Variants in DNM3 observed in about 807,000 individuals in gnomAD.
The protein encoded by DNM3 is dynamin-3.
A neutral mutation model predicts 101.6 loss-of-function variants in DNM3; 47 were observed. The ratio of observed to expected loss-of-function variants is 0.46; its 90% CI spans 0.37 to 0.59. DNM3 has a LOEUF of 0.59. Ranked by LOEUF, DNM3 falls within the 20% of genes least tolerant of loss-of-function variation. The pLI is 0.00. For synonymous variants in DNM3, 385 were observed against 387.9 expected, an observed-to-expected ratio of 0.99 and a Z score of 0.09; for missense variants, 849 against 1,085.7, an observed-to-expected ratio of 0.78 and a Z score of 3.06.
At chr1:172,417,948 G>C (rs939455027) in intron 20 of DNM3, among the ~76,000 whole-genome samples, 1 of 152,128 alleles carries the variant, frequency 6.6e-6, no homozygotes, top group Non-Finnish European at 1.5e-5. Flanking sequence ...TATTTGGCTC[G>C]GGGACTAGTC....
Position 172,181,400 on chromosome 1 carries a change from A to G in DNM3, c.1659+50112A>G, listed in dbSNP as rs1001008642. Among the ~76,000 whole-genome samples, 41 of 151,440 alleles carry G rather than the reference A, an allele frequency of 2.7e-4. No homozygotes were observed. In the South Asian group the frequency reaches 8.2e-3, roughly 30 times the overall value. On this transcript the variant is annotated intron_variant, in intron 14 of 20. Transcript: ENST00000627582. ...TACACACACACACACACACACACAC[A>G]CACACACACACACATATTTCTGGTA... is the stretch of plus-strand genomic sequence containing the variant.
intron 15 of DNM3, among the ~76,000 whole-genome samples, chr1:172,258,675 T>C (rs1353216193): frequency 6.6e-6 from 1 of 152,088 alleles, no homozygotes; most frequent in African/African-American, 2.4e-5. Flanking sequence ...TTATTGATTT[T>C]ATTTATCTTT....
intron 1 of DNM3, among the ~76,000 whole-genome samples, chr1:171,843,171 A>AT (rs890797048): frequency 1.8e-4 from 28 of 152,104 alleles, no homozygotes; most frequent in Admixed American, 7.2e-4. Flanking sequence ...CTCAGATGAT[A>AT]TTTTTTTTCC....
intron 15 of DNM3, among the ~76,000 whole-genome samples, chr1:172,287,019 G>A (rs2063727211): frequency 6.6e-6 from 1 of 152,138 alleles, no homozygotes; most frequent in African/African-American, 2.4e-5. Context: ...TGTCCTGCAG[G>A]CACGTCTTGC....
chr1:172,296,672 G>C (rs551265276), intron 15 of DNM3, among the ~76,000 whole-genome samples: 1 of 152,014 alleles, frequency 6.6e-6, no homozygotes, highest in African/African-American at 2.4e-5. Flanking sequence ...GGTTTGTTTC[G>C]TGCTATTCAA....
In DNM3 at chr1:172,159,455, C is replaced by T. The variant is rs530045985; in HGVS notation, c.1659+28167C>T. ...CTTATTTTCATATGGATTGGTCCTC[C>T]TCAGAAATTTAGCATGTGTATAAAC... On this transcript the variant is annotated intron_variant, in intron 14 of 20. Transcript: ENST00000627582. Among the ~76,000 whole-genome samples the T allele has an allele frequency of 2.0e-5, 3 of 152,098 alleles. No homozygotes were observed. In the South Asian group the frequency reaches 6.2e-4, roughly 32 times the overall value.
chr1:171,917,231 T>A (rs959315533), intron 1 of DNM3, among the ~76,000 whole-genome samples: 4 of 152,246 alleles, frequency 2.6e-5, no homozygotes, highest in African/African-American at 9.6e-5. Flanking sequence ...TTAACAATCA[T>A]TTACATCTAT....
At chr1:172,355,936 A>G (rs2067433102) in intron 17 of DNM3, among the ~76,000 whole-genome samples, 1 of 152,132 alleles carries the variant, frequency 6.6e-6, no homozygotes, top group African/African-American at 2.4e-5. Context: ...GCAGAGCACC[A>G]AAGCCAAAGA....
chr1:172,225,387 G>A (rs911160927), intron 14 of DNM3, among the ~76,000 whole-genome samples: 3 of 151,604 alleles, frequency 2.0e-5, no homozygotes, highest in Admixed American at 1.3e-4. Context: ...CACCTGCCTC[G>A]GCCTCCCAAA....
At chr1:172,277,340 T>A (rs2063328650) in intron 15 of DNM3, among the ~76,000 whole-genome samples, 1 of 152,068 alleles carries the variant, frequency 6.6e-6, no homozygotes, top group African/African-American at 2.4e-5. Context: ...TTTAGAGGAT[T>A]TCACAGCGTT....
intron 16 of DNM3, among the ~76,000 whole-genome samples, chr1:172,319,970 T>C (rs2065615349): frequency 6.6e-6 from 1 of 151,854 alleles, no homozygotes; most frequent in South Asian, 2.1e-4. Context: ...TAGCAAAGAC[T>C]TGGAACCAAG....
At chr1:172,035,018 C>T (rs771544722) in intron 6 of DNM3, among the ~76,000 whole-genome samples, 1 of 151,924 alleles carries the variant, frequency 6.6e-6, no homozygotes, top group Non-Finnish European at 1.5e-5. Flanking sequence ...AAGAGTAGAC[C>T]AGTTAGAAGT....
intron 14 of DNM3, among the ~76,000 whole-genome samples, chr1:172,230,216 C>A (rs2148602950): frequency 6.6e-6 from 1 of 152,162 alleles, no homozygotes; most frequent in South Asian, 2.1e-4. Flanking sequence ...GGACAAAGCT[C>A]TTCATTAGGA....
intron 10 of DNM3, among the ~76,000 whole-genome samples, chr1:172,053,292 T>C (rs528383275): frequency 6.6e-6 from 1 of 152,204 alleles, no homozygotes; most frequent in East Asian, 1.9e-4. Context: ...GTCTAGAATG[T>C]CTCACTTTCC....
chr1:172,025,515 C>T (rs1044766093), intron 4 of DNM3, among the ~76,000 whole-genome samples: 1 of 152,146 alleles, frequency 6.6e-6, no homozygotes, highest in East Asian at 1.9e-4. Context: ...TGGGAGACAC[C>T]TCCCAGCAGG....
intron 17 of DNM3, chr1:172,378,164 C>T (rs935497792): frequency 6.6e-6 from 1 of 152,082 alleles, no homozygotes; most frequent in Non-Finnish European, 1.5e-5. Flanking sequence ...ATGGTTCAAG[C>T]TGACTTGAAA....
chr1:172,345,353 A>G (rs2066879912), intron 17 of DNM3, among the ~76,000 whole-genome samples: 1 of 152,216 alleles, frequency 6.6e-6, no homozygotes, highest in Non-Finnish European at 1.5e-5. Flanking sequence ...AACTGATTAT[A>G]TTAGAGACAA....
At chr1:171,943,574 T>G (rs1441369172) in intron 2 of DNM3, among the ~76,000 whole-genome samples, 1 of 152,240 alleles carries the variant, frequency 6.6e-6, no homozygotes, top group East Asian at 1.9e-4. Flanking sequence ...ATAACTTAAC[T>G]CTTTCAATCA....
downstream of DNM3, among the ~76,000 whole-genome samples, chr1:172,415,116 C>A (rs1468257012): frequency 6.6e-6 from 1 of 152,108 alleles, no homozygotes; most frequent in African/African-American, 2.4e-5. Context: ...AATGTAAGAG[C>A]AACAAGAGCT....
Sources: allele counts gnomAD v4.1 joint callset (sites outside exome capture counted in the v4.1 genomes callset), GRCh38; gene constraint gnomAD v4.1.1; transcripts MANE v1.5; gene names NCBI Gene and HGNC (gene_info 2026-07-23, HGNC 2026-07-21).